Variants in PTPRD observed in about 807,000 individuals in gnomAD.
PTPRD encodes protein tyrosine phosphatase receptor type D.
In PTPRD, 34 loss-of-function variants were observed where a neutral mutation model predicts 214.5. The observed-to-expected ratio is 0.16, with a 90% CI of 0.12 to 0.21. PTPRD has a LOEUF of 0.21. Ranked by LOEUF, PTPRD falls within the 10% of genes least tolerant of loss-of-function variation. The pLI, the probability that PTPRD is intolerant of heterozygous loss-of-function variation, is 1.00. For missense variants in PTPRD, 2,545 were observed against 2,398.7 expected, an observed-to-expected ratio of 1.06 and a Z score of -1.27; for synonymous variants, 1,128 against 845.7, an observed-to-expected ratio of 1.33 and a Z score of -5.79.
At chr9:8,398,649 A>C (rs915700922) in intron 36 of PTPRD, among the ~76,000 whole-genome samples, 1 of 152,150 alleles carries the variant, frequency 6.6e-6, no homozygotes, top group Non-Finnish European at 1.5e-5. Context: ...GGATCCTTAT[A>C]AAAAAGCTTG....
chr9:8,463,084 G>A (rs1385085792), intron 32 of PTPRD, among the ~76,000 whole-genome samples: 1 of 151,550 alleles, frequency 6.6e-6, no homozygotes, highest in Non-Finnish European at 1.5e-5. Context: ...GTTTTAACCT[G>A]CATCTTTAAA....
chr9:10,092,465 A>C (rs2098441938), intron 3 of PTPRD, among the ~76,000 whole-genome samples: 1 of 151,444 alleles, frequency 6.6e-6, no homozygotes, highest in South Asian at 2.1e-4. Context: ...GGTTTAAGTC[A>C]TATTATATTA....
intron 11 of PTPRD, among the ~76,000 whole-genome samples, chr9:8,787,380 TA>T (rs772092354): frequency 7.2e-5 from 11 of 152,202 alleles, no homozygotes; most frequent in Non-Finnish European, 1.5e-4. Context: ...ACTAACCCCT[TA>T]AACATCCCTC....
chr9:8,522,500 T>C (rs1351608639), intron 19 of PTPRD, among the ~76,000 whole-genome samples: 1 of 152,146 alleles, frequency 6.6e-6, no homozygotes, highest in Admixed American at 6.6e-5. Flanking sequence ...TAAAACAACA[T>C]AAATGACAAC....
Position 10,475,738 on chromosome 9 carries a change from T to A in PTPRD, c.-599-134721A>T, listed in dbSNP as rs1376060422. The stretch of plus-strand genomic sequence containing the variant: ...GATGCAAAAATTCTCAATAAAATAC[T>A]AGCAAATCAAATCCAGCAGCAAATC... On this transcript the variant is annotated intron_variant, in intron 2 of 45. Transcript: ENST00000381196. Among the ~76,000 whole-genome samples the A allele has an allele frequency of 2.0e-5, 3 of 152,064 alleles. No individual in the cohort carries two copies. In the East Asian group the frequency reaches 5.8e-4, roughly 29 times the overall value.
intron 3 of PTPRD, among the ~76,000 whole-genome samples, chr9:10,192,100 T>G (rs2099366209): frequency 6.6e-6 from 1 of 152,182 alleles, no homozygotes; most frequent in South Asian, 2.1e-4. Flanking sequence ...TTATCATAAC[T>G]GAACCTTTTG....
intron 5 of PTPRD, among the ~76,000 whole-genome samples, chr9:9,787,504 A>T (rs1008925090): frequency 4.6e-5 from 7 of 151,850 alleles, no homozygotes; most frequent in African/African-American, 1.4e-4. Context: ...CTTTTGTCAC[A>T]GTTTAACTAA....
intron 3 of PTPRD, among the ~76,000 whole-genome samples, chr9:10,299,894 A>G (rs2095807823): frequency 6.6e-6 from 1 of 152,186 alleles, no homozygotes; most frequent in Non-Finnish European, 1.5e-5. Context: ...GTAACTCACA[A>G]TCAAATATTG....
chr9:10,564,862 A>G (rs1344341322), intron 2 of PTPRD, among the ~76,000 whole-genome samples: 2 of 152,170 alleles, frequency 1.3e-5, no homozygotes, highest in Admixed American at 1.3e-4. Flanking sequence ...TTTTGGATAT[A>G]GTCCTGAGAA....
chr9:8,528,214 G>A (rs1204962600), intron 15 of PTPRD: 1 of 419,778 alleles, frequency 2.4e-6, no homozygotes, highest in African/African-American at 2.1e-5. Flanking sequence ...CTCCTTGCAA[G>A]TTCTGAATGA....
At chr9:8,755,526 T>C (rs2093925519) in intron 11 of PTPRD, among the ~76,000 whole-genome samples, 1 of 136,366 alleles carries the variant, frequency 7.3e-6, no homozygotes, top group Non-Finnish European at 1.5e-5. Context: ...TGAAACTCTG[T>C]CTCAAAAAAA....
At chr9:9,619,350 A>C (rs2154351629) in intron 7 of PTPRD, among the ~76,000 whole-genome samples, 1 of 152,110 alleles carries the variant, frequency 6.6e-6, no homozygotes, top group South Asian at 2.1e-4. Context: ...GAAGGGAGAA[A>C]GTATGAAGAG....
chr9:9,366,679 A>G lies in PTPRD; in HGVS notation c.-203+30770T>C, dbSNP rs151250059. Among the ~76,000 whole-genome samples, 342 of 151,682 alleles carry G rather than the reference A, an allele frequency of 2.3e-3. 3 individuals are homozygous for G. The highest frequency in any genetic ancestry group is 7.5e-3 in the African/African-American group (312 of 41,482). On this transcript the variant is annotated intron_variant, in intron 9 of 45. Coordinates refer to ENST00000381196, the MANE Select transcript of PTPRD (RefSeq NM_002839.4). Reference sequence around the variant, plus strand: ...ATACCAGTTACATTTCTTATTTGACACTGATTTTAGTAAATGAAATATGCA... The same window carrying G: ...ATACCAGTTACATTTCTTATTTGACGCTGATTTTAGTAAATGAAATATGCA...
intron 2 of PTPRD, among the ~76,000 whole-genome samples, chr9:10,523,553 A>C (rs1470589113): frequency 6.8e-6 from 1 of 146,306 alleles, no homozygotes; most frequent in African/African-American, 2.5e-5. Context: ...GTAAGAAAAA[A>C]TATCTTTCTA....
chr9:10,588,112 G>A (rs968587816), intron 2 of PTPRD, among the ~76,000 whole-genome samples: 1 of 151,964 alleles, frequency 6.6e-6, no homozygotes, highest in Non-Finnish European at 1.5e-5. Flanking sequence ...GATTTACCAG[G>A]CAGACAAATA....
At chr9:10,211,910 C>T (rs561101604) in intron 3 of PTPRD, among the ~76,000 whole-genome samples, 1 of 152,196 alleles carries the variant, frequency 6.6e-6, no homozygotes, top group East Asian at 1.9e-4. Context: ...ATGCAATATG[C>T]TCATGTAACA....
intron 3 of PTPRD, among the ~76,000 whole-genome samples, chr9:10,194,116 T>C (rs1223606740): frequency 6.6e-6 from 1 of 152,026 alleles, no homozygotes; most frequent in East Asian, 1.9e-4. Flanking sequence ...TTTGGAGGAA[T>C]AAAATCAGTC....
rs1248954933 is a variant in PTPRD, at chr9:8,330,859, A to AAAAGATTAGATGTCAAGTTGCTG, written c.5534+722_5534+723insCAGCAACTTGACATCTAATCTTT. Among the ~76,000 whole-genome samples, 1,262 of 152,088 alleles carry AAAAGATTAGATGTCAAGTTGCTG rather than the reference A, an allele frequency of 8.3e-3. 16 individuals carry two copies. The highest frequency in any genetic ancestry group is 0.028 in the African/African-American group (1,147 of 41,472). ...TAAACTCTCTCAAGAGTTTCACCAT[A>AAAAGATTAGATGTCAAGTTGCTG]AAAAGATTAGATGTCAAGTTGCCAG... is the stretch of plus-strand genomic sequence containing the variant. On this transcript the variant is annotated intron_variant, in intron 44 of 45. Transcript: ENST00000381196.
intron 7 of PTPRD, among the ~76,000 whole-genome samples, chr9:9,625,454 T>C (rs1402661611): frequency 1.3e-5 from 2 of 152,166 alleles, no homozygotes; most frequent in Non-Finnish European, 2.9e-5. Context: ...CTGTCAGTTC[T>C]TAACCATAGG....
Sources: allele counts gnomAD v4.1 joint callset (sites outside exome capture counted in the v4.1 genomes callset), GRCh38; gene constraint gnomAD v4.1.1; transcripts MANE v1.5; gene names NCBI Gene and HGNC (gene_info 2026-07-23, HGNC 2026-07-21).